The following CNTLN variants were observed in gnomAD, a reference collection of about 807,000 sequenced individuals.
The protein encoded by CNTLN is centlein, centrosomal protein.
CNTLN carries 212 observed loss-of-function variants against 180.0 expected under a neutral mutation model. The observed-to-expected ratio is 1.18, with a 90% CI of 1.05 to 1.32. The LOEUF (loss-of-function observed/expected upper bound fraction) is 1.32, where lower values mean the gene tolerates loss of function less well. Among genes scored for constraint, CNTLN ranks in the 40% most tolerant of loss-of-function variants. CNTLN has a pLI of 0.00. For synonymous variants in CNTLN, 722 were observed against 563.1 expected (o/e 1.28, Z -3.99); for missense variants, 2,095 against 1,610.9 (o/e 1.30, Z -5.14).
chr9:17,266,064 T>G (rs1827412460), intron 5 of CNTLN, among the ~76,000 whole-genome samples: 1 of 152,100 alleles, frequency 6.6e-6, no homozygotes, highest in African/African-American at 2.4e-5. Context: ...TGTTAGTTAT[T>G]TCTTGCCTTC....
the CNTLN span, among the ~76,000 whole-genome samples, chr9:17,511,234 A>G: frequency 3.3e-5 from 5 of 152,216 alleles, no homozygotes; most frequent in Non-Finnish European, 5.9e-5. Flanking sequence ...TGGATCAGAC[A>G]TATATAACTC....
chr9:17,494,927 G>A, intron 25 of CNTLN: 1 of 417,838 alleles, frequency 2.4e-6, no homozygotes, highest in Non-Finnish European at 4.6e-6. Context: ...TGTCTCCCAG[G>A]CTGAAGTGCA....
At chr9:17,149,243 C>T (rs201399206) in intron 2 of CNTLN, among the ~76,000 whole-genome samples, 1 of 152,104 alleles carries the variant, frequency 6.6e-6, no homozygotes. Context: ...TTGGTTCCAA[C>T]TCTTTGCTAT....
At chr9:17,526,145 C>T in the CNTLN span, among the ~76,000 whole-genome samples, 1 of 152,088 alleles carries the variant, frequency 6.6e-6, no homozygotes, top group Non-Finnish European at 1.5e-5. Context: ...CCATGTTATC[C>T]AGGATGGTCT....
At chr9:17,366,831 C>G (rs996938671) in intron 13 of CNTLN, 114 bp downstream of exon 13, 9 of 613,446 alleles carry the variant, frequency 1.5e-5, no homozygotes, top group East Asian at 3.2e-5. Flanking sequence ...TTTTCCAACA[C>G]TTTATTCATT....
At chr9:17,314,557 C>G (rs1819418644) in intron 8 of CNTLN, among the ~76,000 whole-genome samples, 1 of 152,148 alleles carries the variant, frequency 6.6e-6, no homozygotes, top group African/African-American at 2.4e-5. Context: ...AGTTTTGACT[C>G]TCTCTTTTCT....
intron 15 of CNTLN, among the ~76,000 whole-genome samples, chr9:17,395,927 AT>A (rs1285315535): frequency 6.6e-6 from 1 of 152,180 alleles, no homozygotes; most frequent in African/African-American, 2.4e-5. Flanking sequence ...ACAGGATGAG[AT>A]AGGAGGTCAG....
chr9:17,237,096 A>C (rs1363664322), intron 5 of CNTLN, among the ~76,000 whole-genome samples: 19 of 152,076 alleles, frequency 1.2e-4, no homozygotes, highest in Admixed American at 1.2e-3. Flanking sequence ...ATTTTTATAG[A>C]AGATAAAAGT....
intron 3 of CNTLN, among the ~76,000 whole-genome samples, chr9:17,227,468 G>A (rs1228694904): frequency 5.9e-5 from 9 of 151,834 alleles, no homozygotes; most frequent in South Asian, 2.1e-4. Context: ...GGCTAATATC[G>A]TTATATAATA....
chr9:17,136,562 C>T (rs893996843), intron 1 of CNTLN, among the ~76,000 whole-genome samples: 1 of 152,182 alleles, frequency 6.6e-6, no homozygotes, highest in East Asian at 1.9e-4. Context: ...ATCTCCTGAC[C>T]TCGTGGTCCG....
At chr9:17,138,948 T>G (rs1050757645) in intron 1 of CNTLN, among the ~76,000 whole-genome samples, 4 of 152,172 alleles carry the variant, frequency 2.6e-5, no homozygotes, top group African/African-American at 9.7e-5. Flanking sequence ...GACCTAGTAT[T>G]TAGTATTTAG....
intron 6 of CNTLN, among the ~76,000 whole-genome samples, chr9:17,294,848 C>G (rs1472719277): frequency 3.2e-5 from 1 of 31,590 alleles, no homozygotes; most frequent in Non-Finnish European, 5.7e-5. Context: ...GGGGGGAGGG[C>G]GGGGAGGAGG....
chr9:17,291,377 G>A (rs1829395645), intron 6 of CNTLN, among the ~76,000 whole-genome samples: 2 of 152,032 alleles, frequency 1.3e-5, no homozygotes, highest in African/African-American at 4.8e-5. Context: ...TTTTGTCTTG[G>A]TGATCTGTCT....
chr9:17,425,753 C>T, intron 18 of CNTLN, among the ~76,000 whole-genome samples: 1 of 152,008 alleles, frequency 6.6e-6, no homozygotes, highest in East Asian at 1.9e-4. Flanking sequence ...TTAAAAAAAC[C>T]TTGGATTGGC....
At chr9:17,421,877 G>C (rs1195172851) in intron 18 of CNTLN, among the ~76,000 whole-genome samples, 1 of 152,068 alleles carries the variant, frequency 6.6e-6, no homozygotes, top group Admixed American at 6.6e-5. Context: ...ATTTTAACTT[G>C]ATCCAATCCC....
At chr9:17,230,946 G>C (rs1824776469) in intron 3 of CNTLN, among the ~76,000 whole-genome samples, 1 of 152,014 alleles carries the variant, frequency 6.6e-6, no homozygotes. Flanking sequence ...TTTCCACCCT[G>C]GTGCTGGCTC....
At chr9:17,351,782 T>C (rs184312820) in intron 12 of CNTLN, among the ~76,000 whole-genome samples, 225 of 152,346 alleles carry the variant, frequency 1.5e-3, no homozygotes, top group African/African-American at 5.0e-3. Flanking sequence ...TAAACTATAG[T>C]TCTGAGAATG....
At chr9:17,318,323 C>A (rs1819673028) in intron 8 of CNTLN, among the ~76,000 whole-genome samples, 1 of 152,014 alleles carries the variant, frequency 6.6e-6, no homozygotes, top group Admixed American at 6.6e-5. Flanking sequence ...GCCACCGCGC[C>A]GGGCCCTAAC....
intron 2 of CNTLN, among the ~76,000 whole-genome samples, chr9:17,148,383 A>G (rs186132484): frequency 1.4e-3 from 220 of 152,376 alleles, no homozygotes; most frequent in African/African-American, 4.9e-3. Context: ...TCTGGTCACA[A>G]CAATTTTGTC....
Sources: allele counts gnomAD v4.1 joint callset (sites outside exome capture counted in the v4.1 genomes callset), GRCh38; gene constraint gnomAD v4.1.1; transcripts MANE v1.5; gene names NCBI Gene and HGNC (gene_info 2026-07-23, HGNC 2026-07-21).